CIB4: variants seen among roughly 807,000 people sequenced by gnomAD.
CIB4 encodes the protein calcium and integrin-binding family member 4.
In CIB4, 25 loss-of-function variants were observed where a neutral mutation model predicts 25.8. That is an observed-to-expected ratio of 0.97 (90% CI 0.71 to 1.35). The LOEUF (loss-of-function observed/expected upper bound fraction) is 1.35. Among genes scored for constraint, CIB4 ranks in the 40% most tolerant of loss-of-function variants. CIB4 has a pLI of 0.00. For synonymous variants in CIB4, 75 were observed against 81.4 expected, an observed-to-expected ratio of 0.92 and a Z score of 0.42; for missense variants, 235 against 228.2, an observed-to-expected ratio of 1.03 and a Z score of -0.19.
chr2:26,629,612 G>T (rs532320472), intron 2 of CIB4, 106 bp from the exon 3 acceptor site: 17 of 736,486 alleles, frequency 2.3e-5, no homozygotes, highest in Non-Finnish European at 3.6e-5. Context: ...AGGGGTGGGG[G>T]TGTCTCTTTG....
At chr2:26,593,627 C>T (rs1668629275) in intron 4 of CIB4, among the ~76,000 whole-genome samples, 1 of 152,138 alleles carries the variant, frequency 6.6e-6, no homozygotes, top group Non-Finnish European at 1.5e-5. Context: ...AATTTTTGTA[C>T]ATTGTGTACA....
At chr2:26,615,293 C>G (rs752329257) in intron 3 of CIB4, among the ~76,000 whole-genome samples, 1 of 152,174 alleles carries the variant, frequency 6.6e-6, no homozygotes, top group Non-Finnish European at 1.5e-5. Context: ...AAACAGGAGT[C>G]GAACAAACTG....
At chr2:26,626,401 A>C (rs1360480975) in intron 3 of CIB4, among the ~76,000 whole-genome samples, 2 of 17,222 alleles carry the variant, frequency 1.2e-4, no homozygotes, top group Non-Finnish European at 2.1e-4. Context: ...AGCAACATAC[A>C]AAAAAAAAAA....
chr2:26,629,384 T>A, intron 3 of CIB4, 26 bp downstream of exon 3: 2 of 1,484,936 alleles, frequency 1.3e-6, no homozygotes, highest in Non-Finnish European at 9.2e-7. Flanking sequence ...ATGCTGCCCT[T>A]GCCCCACCCA....
intron 6 of CIB4, 133 bp from the exon 7 acceptor site, chr2:26,581,526 T>A: frequency 1.2e-6 from 1 of 849,546 alleles, no homozygotes; most frequent in East Asian, 2.6e-5. Flanking sequence ...TGACGGCCAC[T>A]TTGCAGCCAT....
chr2:26,640,091 G>T (rs557370904), intron 2 of CIB4, among the ~76,000 whole-genome samples: 1 of 141,284 alleles, frequency 7.1e-6, no homozygotes, highest in African/African-American at 2.5e-5. Context: ...CACAGGCACC[G>T]GAGAAAGGGC....
At chr2:26,593,122 C>T (rs1054981339) in intron 4 of CIB4, among the ~76,000 whole-genome samples, 8 of 152,150 alleles carry the variant, frequency 5.3e-5, no homozygotes, top group Admixed American at 3.3e-4. Context: ...CTGAGACATC[C>T]GTCTTCTCCC....
chr2:26,589,090 T>TTCTTCTTCTTCCTCTTCC (rs1558555017), intron 4 of CIB4, among the ~76,000 whole-genome samples: 1 of 95,008 alleles, frequency 1.1e-5, no homozygotes, highest in Non-Finnish European at 2.1e-5. Context: ...CTTCTTCTTC[T>TTCTTCTTCTTCCTCTTCC]TCTTCTTCTT....
At chr2:26,636,492 A>T (rs1669534725) in intron 2 of CIB4, among the ~76,000 whole-genome samples, 1 of 152,072 alleles carries the variant, frequency 6.6e-6, no homozygotes, top group Non-Finnish European at 1.5e-5. Flanking sequence ...CCCTAATTCT[A>T]ATCTGGACTG....
At chr2:26,633,511 A>G (rs984407390) in intron 2 of CIB4, among the ~76,000 whole-genome samples, 1 of 152,084 alleles carries the variant, frequency 6.6e-6, no homozygotes, top group African/African-American at 2.4e-5. Flanking sequence ...ACCCCCCTGG[A>G]AAGTCCTCTC....
At chr2:26,621,293 G>A (rs1669201435) in intron 3 of CIB4, among the ~76,000 whole-genome samples, 1 of 148,258 alleles carries the variant, frequency 6.7e-6, no homozygotes. Flanking sequence ...AAAAGATCAG[G>A]AAACAGAAAG....
At chr2:26,612,969 C>G (rs1669024729) in intron 3 of CIB4, among the ~76,000 whole-genome samples, 1 of 152,104 alleles carries the variant, frequency 6.6e-6, no homozygotes, top group Admixed American at 6.5e-5. Flanking sequence ...CCCCTAGATG[C>G]TGGGTGGGTC....
At chr2:26,590,622 C>A (rs555219600) in intron 4 of CIB4, among the ~76,000 whole-genome samples, 4 of 152,140 alleles carry the variant, frequency 2.6e-5, no homozygotes, top group Non-Finnish European at 5.9e-5. Context: ...GACCACTCCC[C>A]CCTCGACTTA....
intron 6 of CIB4, among the ~76,000 whole-genome samples, chr2:26,582,501 G>A (rs2148185332): frequency 6.6e-6 from 1 of 152,330 alleles, no homozygotes; most frequent in South Asian, 2.1e-4. Context: ...GCCGCTGGAG[G>A]CAGTGGGGTC....
At chr2:26,584,720 A>G (rs2148187273) in intron 4 of CIB4, among the ~76,000 whole-genome samples, 1 of 152,298 alleles carries the variant, frequency 6.6e-6, no homozygotes. Flanking sequence ...CAGGCTCCTT[A>G]CATTTCACAT....
At chr2:26,629,617 T>C in intron 2 of CIB4, 111 bp from the exon 3 acceptor site, 1 of 710,134 alleles carries the variant, frequency 1.4e-6, no homozygotes, top group Non-Finnish European at 2.5e-6. Context: ...TGGGGGTGTC[T>C]CTTTGAGGAA....
chr2:26,606,133 C>T (rs1217330206), intron 3 of CIB4, among the ~76,000 whole-genome samples: 4 of 152,240 alleles, frequency 2.6e-5, no homozygotes, highest in Non-Finnish European at 1.5e-5. Flanking sequence ...GCCGCAAATG[C>T]ATCAGGGTGA....
chr2:26,605,601 C>T (rs1668873275), intron 3 of CIB4: 1 of 469,792 alleles, frequency 2.1e-6, no homozygotes, highest in Non-Finnish European at 4.4e-6. Flanking sequence ...CCAGGATTCA[C>T]CCTTCAGCAC....
chr2:26,599,163 A>T (rs891325133), intron 3 of CIB4, among the ~76,000 whole-genome samples: 4 of 152,216 alleles, frequency 2.6e-5, no homozygotes, highest in African/African-American at 9.7e-5. Context: ...CAATGCTTCC[A>T]TTTCAAGAAT....
Sources: allele counts gnomAD v4.1 joint callset (sites outside exome capture counted in the v4.1 genomes callset), GRCh38; gene constraint gnomAD v4.1.1; transcripts MANE v1.5; gene names NCBI Gene and HGNC (gene_info 2026-07-23, HGNC 2026-07-21).